The following CDNF variants were observed in gnomAD, a reference collection of about 807,000 sequenced individuals.
CDNF encodes cerebral dopamine neurotrophic factor.
CDNF carries 9 observed loss-of-function variants against 14.8 expected under a neutral mutation model. The observed-to-expected ratio is 0.61, with a 90% confidence interval of 0.37 to 1.06. The LOEUF is 1.06. Among genes scored for constraint, CDNF ranks in the 50% least tolerant of loss-of-function variants. CDNF has a pLI of 0.01. For missense variants in CDNF, 228 were observed against 228.4 expected (o/e 1.00, Z 0.01); for synonymous variants, 86 against 87.2 (o/e 0.99, Z 0.07).
chr10:14,828,418 G>A (rs2131625534), intron 1 of CDNF, 146 bp from the exon 2 acceptor site: 1 of 688,192 alleles, frequency 1.5e-6, no homozygotes. Flanking sequence ...AGAGGCTGAG[G>A]TGGGCAGATC....
intron 2 of CDNF, among the ~76,000 whole-genome samples, chr10:14,826,123 A>AG: frequency 1.4e-5 from 2 of 147,094 alleles, no homozygotes; most frequent in African/African-American, 5.2e-5. Context: ...CAGCAGCAGC[A>AG]GAAGCAGGAG....
chr10:14,824,425 G>C (rs1833762373), intron 3 of CDNF, among the ~76,000 whole-genome samples: 1 of 152,014 alleles, frequency 6.6e-6, no homozygotes, highest in African/African-American at 2.4e-5. Flanking sequence ...GGCCAACATG[G>C]TGAAACCTCG....
chr10:14,831,728 C>T (rs1355272402), intron 1 of CDNF, among the ~76,000 whole-genome samples: 3 of 152,040 alleles, frequency 2.0e-5, no homozygotes, highest in African/African-American at 7.2e-5. Flanking sequence ...GCGTGTGCCA[C>T]CACACCCAGC....
intron 2 of CDNF, among the ~76,000 whole-genome samples, chr10:14,826,043 G>A (rs1418643360): frequency 1.8e-5 from 2 of 113,062 alleles, no homozygotes; most frequent in African/African-American, 7.6e-5. Flanking sequence ...AGAAGAAGAA[G>A]AAGAAGAAGA....
intron 2 of CDNF, among the ~76,000 whole-genome samples, chr10:14,826,128 CAGGAGA>C (rs530706642): frequency 0.046 from 5,734 of 123,578 alleles, 330 homozygotes; most frequent in East Asian, 0.15. Context: ...GCAGCAGAAG[CAGGAGA>C]AGGAGAAGGA....
At chr10:14,829,544 G>T (rs1241680774) in intron 1 of CDNF, among the ~76,000 whole-genome samples, 1 of 152,110 alleles carries the variant, frequency 6.6e-6, no homozygotes, top group Non-Finnish European at 1.5e-5. Context: ...TTTCAAGCTT[G>T]TTTTTTATAT....
chr10:14,835,765 CTAA>C (rs1471995879), intron 1 of CDNF, among the ~76,000 whole-genome samples: 1 of 151,970 alleles, frequency 6.6e-6, no homozygotes, highest in Non-Finnish European at 1.5e-5. Flanking sequence ...CTCACATTAC[CTAA>C]TAATAGGACT....
At chr10:14,821,227 C>T (rs760772933) in intron 3 of CDNF, among the ~76,000 whole-genome samples, 12 of 151,994 alleles carry the variant, frequency 7.9e-5, no homozygotes, top group Non-Finnish European at 1.3e-4. Flanking sequence ...CTGGTTCAAG[C>T]GATTCTCCTG....
chr10:14,827,646 A>G (rs937716246), intron 2 of CDNF, among the ~76,000 whole-genome samples: 1 of 152,180 alleles, frequency 6.6e-6, no homozygotes, highest in Non-Finnish European at 1.5e-5. Flanking sequence ...TAATCCCAGC[A>G]CTTTGGGAGG....
At chr10:14,825,745 TC>T in intron 2 of CDNF, 125 bp from the exon 3 acceptor site, 1 of 1,001,900 alleles carries the variant, frequency 1.0e-6, no homozygotes, top group Non-Finnish European at 1.5e-6. Context: ...ACGCCTGTAA[TC>T]CCAGCACTTT....
rs1484756627 is a variant in CDNF at position 14,823,260 on chromosome 10, T to C, written c.385+2219A>G. The stretch of plus-strand genomic sequence containing the variant: ...AGAACTTGGTATCTGGCATTAATTT[T>C]AAAAAGAGGAAAACCTCTGTGATGC... On this transcript the variant is annotated intron_variant, in intron 3 of 3. Coordinates refer to ENST00000465530, the MANE Select transcript of CDNF (RefSeq NM_001029954.3). Among the ~76,000 whole-genome samples the C allele has an allele frequency of 2.6e-5, 4 of 152,326 alleles. No individual in the cohort carries two copies. In the East Asian group the frequency reaches 7.7e-4, roughly 29 times the overall value.
chr10:14,830,487 T>G (rs1833835861), intron 1 of CDNF, among the ~76,000 whole-genome samples: 1 of 152,172 alleles, frequency 6.6e-6, no homozygotes, highest in Non-Finnish European at 1.5e-5. Flanking sequence ...CAGCTCTATT[T>G]CTTAGAACTT....
rs1160965106 is a variant in CDNF at position 14,837,868 on chromosome 10, G to C, written c.79C>G (p.Gln27Glu). ...GCCCCTGGCCGCCCCCCGGCCTCCT[G>C]GCCCTGCGTCAGCACCGGGTGAGAG... ...LVSHPVLTQG[Q>E]EAGGRPGADC... The change falls in exon 1 of 4, where the codon CAG (glutamine) becomes GAG (glutamate). Residue 27 changes from glutamine to glutamate, a missense_variant. Physicochemically the swap from Gln to Glu is conservative, Grantham distance 29 (BLOSUM62 2). Transcript: ENST00000465530. The C allele has an allele frequency of 6.2e-7, 1 of 1,604,440 alleles. No homozygotes were observed. The highest frequency in any genetic ancestry group is 1.3e-5 in the African/African-American group (1 of 74,842).
chr10:14,825,631 A>G lies in CDNF; in HGVS notation c.244-11T>C. The G allele has an allele frequency of 6.2e-7, 1 of 1,613,292 alleles. No individual in the cohort carries two copies. Among genetic ancestry groups the G allele is most frequent in the African/African-American group, 1.3e-5 (1 of 75,000 alleles). ...TCCTAGATAATAGCACTGAAGGAAA[A>G]TGAAGAGAATTGAGTGTTCCAGACA... On this transcript the variant is annotated splice_polypyrimidine_tract_variant and intron_variant, in intron 2 of 3. Transcript: ENST00000465530.
chr10:14,837,893 G>T lies in CDNF; in HGVS notation c.54C>A (p.Val18=). The T allele has an allele frequency of 6.2e-7, 1 of 1,607,542 alleles. No individual in the cohort carries two copies. ...GGCCCTGCGTCAGCACCGGGTGAGA[G>T]ACCAAAAGCCCGGCGCAAAAGGCCA... ...AVVAFCAGLL[V]SHPVLTQGQE... is the part of the protein sequence containing the mutation. Residue 18 remains valine, a synonymous_variant, in exon 1 of 4, where the codon GTC becomes GTA. Transcript: ENST00000465530.
rs1191057101 is a variant in CDNF, at chr10:14,837,967, C to CGCCT, written c.-25_-22dup. ...CACATGCTGGGCCAGCAGCTTCAAT[C>CGCCT]GCCTCCGCCACCCGCGCCCACCGCC... On this transcript the variant is annotated 5_prime_UTR_variant, in exon 1 of 4. Coordinates refer to ENST00000465530, the MANE Select transcript of CDNF (RefSeq NM_001029954.3). 6.4e-7 allele frequency: 1 copy of CGCCT among 1,552,384 alleles called. No individual in the cohort carries two copies. Among genetic ancestry groups the CGCCT allele is most frequent in the Non-Finnish European group, 8.7e-7 (1 of 1,145,816 alleles).
rs1348094730 is a variant in CDNF at position 14,820,083 on chromosome 10, C to CG, written c.460_461insC (p.Trp154SerfsTer13). 4 of 1,614,014 alleles carry CG rather than the reference C, an allele frequency of 2.5e-6. No individual in the cohort carries two copies. Among genetic ancestry groups the CG allele is most frequent in the Non-Finnish European group, 3.4e-6 (4 of 1,179,996 alleles). On this transcript the variant is annotated frameshift_variant, in exon 4 of 4. Coordinates refer to ENST00000465530, the MANE Select transcript of CDNF (RefSeq NM_001029954.3). LOFTEE classifies it low-confidence loss of function (END_TRUNC). ...TGCACAGGCCCTGCACTCCTCCCCCCAGCTATGCAGGATCTGCTTCAGCTC... is the reference window on the plus strand; with the variant it reads ...TGCACAGGCCCTGCACTCCTCCCCCCGAGCTATGCAGGATCTGCTTCAGCTC...
At chr10:14,828,595 C>T (rs535599488) in intron 1 of CDNF, among the ~76,000 whole-genome samples, 1 of 151,878 alleles carries the variant, frequency 6.6e-6, no homozygotes, top group East Asian at 1.9e-4. Context: ...TGCAGTGAGC[C>T]GAGATCTTAC....
intron 1 of CDNF, among the ~76,000 whole-genome samples, chr10:14,831,530 C>T (rs1438043000): frequency 6.7e-6 from 1 of 148,482 alleles, no homozygotes; most frequent in African/African-American, 2.5e-5. Context: ...TACATATATA[C>T]ACATATATAA....
Sources: allele counts gnomAD v4.1 joint callset (sites outside exome capture counted in the v4.1 genomes callset), GRCh38; gene constraint gnomAD v4.1.1; transcripts MANE v1.5; gene names NCBI Gene and HGNC (gene_info 2026-07-23, HGNC 2026-07-21).